Variants in PRMT3 observed in about 807,000 individuals in gnomAD.
The protein encoded by PRMT3 is protein arginine N-methyltransferase 3.
PRMT3 carries 62 observed loss-of-function variants against 71.9 expected under a neutral mutation model. That is an observed-to-expected ratio of 0.86 (90% CI 0.70 to 1.07). The LOEUF (loss-of-function observed/expected upper bound fraction) is 1.07, where lower values mean the gene tolerates loss of function less well. Among genes scored for constraint, PRMT3 ranks in the 50% least tolerant of loss-of-function variants. The probability of loss-of-function intolerance (pLI) is 0.00; values close to 1 mark genes in which losing one functional copy is unlikely to be tolerated. For synonymous variants in PRMT3, 213 were observed against 220.4 expected, an observed-to-expected ratio of 0.97 and a Z score of 0.30; for missense variants, 663 against 643.0, an observed-to-expected ratio of 1.03 and a Z score of -0.34.
intron 5 of PRMT3, chr11:20,393,891 C>T (rs1848769544): frequency 1.3e-5 from 2 of 152,070 alleles, no homozygotes; most frequent in Non-Finnish European, 2.9e-5. Context: ...GTATACCAGC[C>T]TTATATAGTT....
At chr11:20,473,537 G>A (rs1356718171) in intron 13 of PRMT3, among the ~76,000 whole-genome samples, 1 of 152,132 alleles carries the variant, frequency 6.6e-6, no homozygotes, top group Non-Finnish European at 1.5e-5. Flanking sequence ...TAGTTGTGTG[G>A]TTTTGAGTGA....
intron 4 of PRMT3, 70 bp downstream of exon 4, chr11:20,392,330 T>C: frequency 7.0e-7 from 1 of 1,421,182 alleles, no homozygotes; most frequent in Non-Finnish European, 9.5e-7. Flanking sequence ...GTCAGTGTAC[T>C]GATTATTTAA....
intron 10 of PRMT3, among the ~76,000 whole-genome samples, chr11:20,436,666 A>G (rs1021411647): frequency 1.3e-5 from 2 of 151,052 alleles, no homozygotes; most frequent in African/African-American, 4.9e-5. Flanking sequence ...CTGATGTGCC[A>G]CAAGATTTAG....
intron 9 of PRMT3, among the ~76,000 whole-genome samples, chr11:20,426,242 C>G (rs1486782534): frequency 6.6e-6 from 1 of 152,148 alleles, no homozygotes; most frequent in African/African-American, 2.4e-5. Flanking sequence ...CTCTTAATAG[C>G]CTGTGACGTA....
At chr11:20,448,429 T>C (rs940759470) in intron 10 of PRMT3, among the ~76,000 whole-genome samples, 2 of 152,182 alleles carry the variant, frequency 1.3e-5, no homozygotes, top group Non-Finnish European at 2.9e-5. Flanking sequence ...TTCAGAGATA[T>C]ACTACATAGA....
intron 11 of PRMT3, among the ~76,000 whole-genome samples, chr11:20,456,435 T>C (rs1590077635): frequency 6.6e-6 from 1 of 152,332 alleles, no homozygotes; most frequent in South Asian, 2.1e-4. Flanking sequence ...GATATTAATA[T>C]TTTCTAGCAC....
At position 20,392,907 on chromosome 11, in the gene PRMT3, T is replaced by G. The variant is rs1351534510; in HGVS notation, c.308T>G (p.Val103Gly). 3.8e-6 allele frequency: 6 copies of G among 1,584,936 alleles called. No individual in the cohort carries two copies. The African/African-American group carries it at 8.1e-5, about 21-fold the overall frequency. The change falls in exon 5 of 16, where the codon GTT (valine) becomes GGT (glycine). Residue 103 changes from valine to glycine, a missense_variant. Coordinates refer to ENST00000331079, the MANE Select transcript of PRMT3 (RefSeq NM_005788.4). Reference sequence around the variant, plus strand: ...TAATTTTATATCCAGAATCCTACAGTTGAGTACATGAATTCCATATACAAC... The same window carrying G: ...TAATTTTATATCCAGAATCCTACAGGTGAGTACATGAATTCCATATACAAC... ...INFIRLKNPT[V>G]EYMNSIYNPV... is the part of the protein sequence containing the mutation.
chr11:20,470,404 GC>G (rs1180946668), intron 13 of PRMT3, among the ~76,000 whole-genome samples: 1 of 151,962 alleles, frequency 6.6e-6, no homozygotes, highest in African/African-American at 2.4e-5. Context: ...CCTCTAACAG[GC>G]CCCAGCATGT....
chr11:20,485,767 A>G (rs1851057709), intron 13 of PRMT3, among the ~76,000 whole-genome samples: 1 of 152,250 alleles, frequency 6.6e-6, no homozygotes, highest in Admixed American at 6.5e-5. Flanking sequence ...ATGTTACAGT[A>G]TTTAAAGAGA....
intron 13 of PRMT3, among the ~76,000 whole-genome samples, chr11:20,485,513 G>A (rs1851050331): frequency 6.6e-6 from 1 of 152,082 alleles, no homozygotes. Flanking sequence ...TTAAAATACG[G>A]TTTGGAAAAG....
rs1273429174 is a variant in PRMT3 at position 20,392,890 on chromosome 11, T to C, written c.298-7T>C. 1 of 1,524,512 alleles carries C rather than the reference T, an allele frequency of 6.6e-7. No individual in the cohort carries two copies. Among genetic ancestry groups the C allele is most frequent in the South Asian group, 1.2e-5 (1 of 85,138 alleles). 94.4% of individuals were successfully genotyped at this position (1,524,512 alleles called of 1,614,324 possible). On this transcript the variant is annotated splice_polypyrimidine_tract_variant and splice_region_variant and intron_variant, in intron 4 of 15. Coordinates refer to ENST00000331079, the MANE Select transcript of PRMT3 (RefSeq NM_005788.4). ...TGAAAAAAACATGAGATTAATTTTA[T>C]ATCCAGAATCCTACAGTTGAGTACA...
intron 2 of PRMT3, among the ~76,000 whole-genome samples, chr11:20,389,206 A>G (rs1452340638): frequency 6.6e-6 from 1 of 152,234 alleles, no homozygotes; most frequent in Non-Finnish European, 1.5e-5. Context: ...ATGTCACATA[A>G]TAAAGAGGAT....
At chr11:20,468,371 T>G (rs977974781) in intron 13 of PRMT3, among the ~76,000 whole-genome samples, 8 of 152,174 alleles carry the variant, frequency 5.3e-5, no homozygotes, top group Non-Finnish European at 1.5e-5. Flanking sequence ...TTTGTTTGTT[T>G]GTTTGTTTGT....
rs181329382 is a variant in PRMT3, at chr11:20,472,716, G to A, written c.1347+8170G>A. ...TGCCAGGTTTTGGTATCAGGATGAT[G>A]CTGGCCTCATAGAACAAGTAGGGAG... On this transcript the variant is annotated intron_variant, in intron 13 of 15. Transcript: ENST00000331079. Among the ~76,000 whole-genome samples, 25 of 152,228 alleles carry A rather than the reference G, an allele frequency of 1.6e-4. No homozygotes were observed. In the East Asian group the frequency reaches 4.6e-3, roughly 28 times the overall value.
chr11:20,388,213 G>A (rs1396836889), intron 2 of PRMT3, 59 bp downstream of exon 2: 35 of 1,606,634 alleles, frequency 2.2e-5, no homozygotes, highest in Non-Finnish European at 2.8e-5. Context: ...TGGGGTCTGT[G>A]TGCCCAGGAA....
chr11:20,404,744 A>G (rs1409711092), intron 8 of PRMT3, among the ~76,000 whole-genome samples: 3 of 152,182 alleles, frequency 2.0e-5, no homozygotes, highest in Non-Finnish European at 4.4e-5. Context: ...CTAGTCTGGA[A>G]CCAGTTATAT....
chr11:20,449,082 T>A (rs1353946321), intron 10 of PRMT3, among the ~76,000 whole-genome samples: 2 of 152,168 alleles, frequency 1.3e-5, no homozygotes, highest in Non-Finnish European at 2.9e-5. Context: ...AGGGAGCCTA[T>A]CGTAAAATGA....
At chr11:20,428,643 C>G (rs1275751353) in intron 10 of PRMT3, among the ~76,000 whole-genome samples, 1 of 152,164 alleles carries the variant, frequency 6.6e-6, no homozygotes, top group Non-Finnish European at 1.5e-5. Flanking sequence ...GAAAGTTGTA[C>G]TGGAATCCAT....
chr11:20,486,883 C>T (rs978822845), intron 13 of PRMT3, among the ~76,000 whole-genome samples: 8 of 151,944 alleles, frequency 5.3e-5, no homozygotes, highest in Non-Finnish European at 1.2e-4. Context: ...ACGGTGAAAC[C>T]TCGTCTCTAC....
Sources: allele counts gnomAD v4.1 joint callset (sites outside exome capture counted in the v4.1 genomes callset), GRCh38; gene constraint gnomAD v4.1.1; transcripts MANE v1.5; gene names NCBI Gene and HGNC (gene_info 2026-07-23, HGNC 2026-07-21).